DCDC1: variants seen among roughly 807,000 people sequenced by gnomAD.
DCDC1 encodes doublecortin domain containing 1.
In DCDC1, 200 loss-of-function variants were observed where a neutral mutation model predicts 178.3. That is an observed-to-expected ratio of 1.12 (90% CI 1.00 to 1.26). The LOEUF is 1.26. Ranked by LOEUF, DCDC1 falls within the 50% of genes most tolerant of loss-of-function variation. DCDC1 has a pLI of 0.00. For synonymous variants in DCDC1, 690 were observed against 604.8 expected, an observed-to-expected ratio of 1.14 and a Z score of -2.07; for missense variants, 1,983 against 1,749.2, an observed-to-expected ratio of 1.13 and a Z score of -2.38.
At chr11:31,088,033 G>A (rs748837741) in intron 17 of DCDC1, among the ~76,000 whole-genome samples, 18 of 151,892 alleles carry the variant, frequency 1.2e-4, no homozygotes, top group East Asian at 1.9e-4. Flanking sequence ...TTATGTTCTC[G>A]TGATAAATTA....
chr11:31,039,185 G>A (rs1954275375), intron 20 of DCDC1, among the ~76,000 whole-genome samples: 1 of 152,092 alleles, frequency 6.6e-6, no homozygotes, highest in Non-Finnish European at 1.5e-5. Flanking sequence ...AGGGTTACAA[G>A]CTATGATCCT....
rs1352721909 is a variant in DCDC1, at chr11:30,961,461, T to C, written c.2592-8893A>G. On this transcript the variant is annotated intron_variant, in intron 20 of 38. Coordinates refer to ENST00000684477, the MANE Select transcript of DCDC1 (RefSeq NM_001387274.1). ...TCAAATAAGCAGTGTCTAACAAACA[T>C]GAGGGTTAAAATGATCAGATTCACA... Among the ~76,000 whole-genome samples the C allele has an allele frequency of 7.2e-5, 11 of 151,944 alleles. No individual in the cohort carries two copies. The East Asian group carries it at 2.1e-3, about 29-fold the overall frequency.
At chr11:30,870,281 T>A (rs1941412270) in intron 38 of DCDC1, among the ~76,000 whole-genome samples, 1 of 152,124 alleles carries the variant, frequency 6.6e-6, no homozygotes. Flanking sequence ...TTTGGTTAAA[T>A]GTATAGATGT....
intron 9 of DCDC1, among the ~76,000 whole-genome samples, chr11:31,238,478 G>T (rs1445035596): frequency 6.6e-6 from 1 of 152,066 alleles, no homozygotes; most frequent in African/African-American, 2.4e-5. Context: ...TTCCCTGCTT[G>T]AAGCACACAG....
At chr11:30,870,052 G>C (rs954892734) in intron 38 of DCDC1, among the ~76,000 whole-genome samples, 2 of 152,204 alleles carry the variant, frequency 1.3e-5, no homozygotes, top group African/African-American at 4.8e-5. Flanking sequence ...TCTGAAGTCA[G>C]ATAGGGTAAG....
chr11:31,077,783 C>T (rs886733683), intron 18 of DCDC1, 82 bp downstream of exon 18: 2 of 686,782 alleles, frequency 2.9e-6, no homozygotes, highest in Non-Finnish European at 5.3e-6. Flanking sequence ...ATTTCTTGCT[C>T]TAAACAATAG....
intron 9 of DCDC1, among the ~76,000 whole-genome samples, chr11:31,143,632 C>T (rs1964112200): frequency 6.6e-6 from 1 of 152,186 alleles, no homozygotes; most frequent in Non-Finnish European, 1.5e-5. Flanking sequence ...AATTACATTC[C>T]CTCAAGCTAT....
intron 36 of DCDC1, among the ~76,000 whole-genome samples, chr11:30,889,111 G>A (rs1407749201): frequency 6.6e-6 from 1 of 152,214 alleles, no homozygotes; most frequent in Non-Finnish European, 1.5e-5. Flanking sequence ...GAATTAGAGA[G>A]CTGCTGCAGG....
intron 35 of DCDC1, 45 bp downstream of exon 35, chr11:30,894,203 T>C: frequency 6.3e-7 from 1 of 1,582,832 alleles, no homozygotes. Context: ...TAAATACTCA[T>C]AAAAAGGGCA....
intron 20 of DCDC1, among the ~76,000 whole-genome samples, chr11:31,017,395 T>C (rs1244956982): frequency 6.6e-6 from 1 of 152,176 alleles, no homozygotes; most frequent in African/African-American, 2.4e-5. Context: ...ATTTTTAAAA[T>C]AACATTTTCT....
At chr11:30,980,681 T>A (rs1950348882) in intron 20 of DCDC1, among the ~76,000 whole-genome samples, 1 of 152,108 alleles carries the variant, frequency 6.6e-6, no homozygotes, top group African/African-American at 2.4e-5. Context: ...GGTGGATCAA[T>A]AAATGAATGA....
intron 9 of DCDC1, among the ~76,000 whole-genome samples, chr11:31,164,634 C>T (rs1966615503): frequency 1.3e-5 from 2 of 151,906 alleles, no homozygotes; most frequent in African/African-American, 4.8e-5. Flanking sequence ...TAAAGCTGTA[C>T]AATTTGTGCT....
intron 21 of DCDC1, among the ~76,000 whole-genome samples, chr11:30,935,138 T>C (rs1947193872): frequency 6.6e-6 from 1 of 152,190 alleles, no homozygotes; most frequent in Non-Finnish European, 1.5e-5. Flanking sequence ...CTGGCAGTTA[T>C]TTGGCAGGGA....
At chr11:30,906,348 C>T in intron 30 of DCDC1, 192 bp downstream of exon 30, 1 of 551,626 alleles carries the variant, frequency 1.8e-6, no homozygotes, top group Non-Finnish European at 3.1e-6. Flanking sequence ...GTCTATTGAA[C>T]TATTAATAGA....
intron 9 of DCDC1, among the ~76,000 whole-genome samples, chr11:31,193,392 A>G (rs1294082090): frequency 1.3e-5 from 2 of 152,052 alleles, no homozygotes; most frequent in Admixed American, 1.3e-4. Flanking sequence ...TTGAGCACCA[A>G]CATGATGCTC....
chr11:30,953,960 A>C (rs1386912825), intron 20 of DCDC1, among the ~76,000 whole-genome samples: 2 of 151,878 alleles, frequency 1.3e-5, no homozygotes, highest in Non-Finnish European at 2.9e-5. Context: ...CAAAATGAAA[A>C]GTAAGAGTAT....
intron 18 of DCDC1, among the ~76,000 whole-genome samples, chr11:31,072,076 T>C (rs1956600918): frequency 6.6e-6 from 1 of 152,224 alleles, no homozygotes; most frequent in South Asian, 2.1e-4. Context: ...AACTGATACA[T>C]AAAATGAGTG....
intron 1 of DCDC1, among the ~76,000 whole-genome samples, chr11:31,349,077 G>A (rs1451728239): frequency 6.6e-6 from 1 of 151,788 alleles, no homozygotes; most frequent in Non-Finnish European, 1.5e-5. Context: ...ACTCAAATAA[G>A]TTATGTTTCC....
At position 30,903,482 on chromosome 11, in the gene DCDC1, C is replaced by T. The variant is rs1457818326; in HGVS notation, c.4510G>A (p.Glu1504Lys). ...KEQIIVESME[E>K]NPRMKVKNRL... ...CTAAATGCTGTAGATTGTAGCCAAC[C>T]TTCCATACTTTCAACAATTATCTGT... Residue 1504 changes from glutamate to lysine, a missense_variant and splice_region_variant, in exon 32 of 39, where the codon GAA becomes AAA. Coordinates refer to ENST00000684477, the MANE Select transcript of DCDC1 (RefSeq NM_001387274.1). 6.9e-6 allele frequency: 11 copies of T among 1,589,704 alleles called. No individual in the cohort carries two copies. Among genetic ancestry groups the T allele is most frequent in the Non-Finnish European group, 9.4e-6 (11 of 1,167,088 alleles).
Sources: allele counts gnomAD v4.1 joint callset (sites outside exome capture counted in the v4.1 genomes callset), GRCh38; gene constraint gnomAD v4.1.1; transcripts MANE v1.5; gene names NCBI Gene and HGNC (gene_info 2026-07-23, HGNC 2026-07-21).